Variants in TXNDC9 observed in about 807,000 individuals in gnomAD.
TXNDC9 encodes the protein thioredoxin domain containing 9.
TXNDC9 carries 7 observed loss-of-function variants against 23.0 expected under a neutral mutation model. The ratio of observed to expected loss-of-function variants is 0.30; its 90% CI spans 0.17 to 0.57. The LOEUF (loss-of-function observed/expected upper bound fraction) is 0.57, where lower values mean the gene tolerates loss of function less well. TXNDC9 is among the 20% of genes least tolerant of loss of function. The probability of loss-of-function intolerance (pLI) is 0.90; values close to 1 mark genes in which losing one functional copy is unlikely to be tolerated. For missense variants in TXNDC9, 198 were observed against 252.6 expected, an observed-to-expected ratio of 0.78 and a Z score of 1.47; for synonymous variants, 72 against 90.6, an observed-to-expected ratio of 0.79 and a Z score of 1.17.
chr2:99,308,497 C>T, the TXNDC9 span, among the ~76,000 whole-genome samples: 15 of 152,166 alleles, frequency 9.9e-5, no homozygotes, highest in African/African-American at 3.1e-4. Flanking sequence ...TGTGACTACA[C>T]TGCTATTACT....
intron 2 of TXNDC9, among the ~76,000 whole-genome samples, chr2:99,332,297 G>A (rs926570057): frequency 6.6e-6 from 1 of 152,124 alleles, no homozygotes; most frequent in African/African-American, 2.4e-5. Context: ...ACAAAACTTA[G>A]CCAGGCATGG....
chr2:99,308,046 T>C, the TXNDC9 span, among the ~76,000 whole-genome samples: 3 of 152,304 alleles, frequency 2.0e-5, no homozygotes, highest in African/African-American at 4.8e-5. Flanking sequence ...CTAGAGTCCA[T>C]AGACGGAACA....
chr2:99,317,933 C>G (rs1289419262), downstream of TXNDC9, among the ~76,000 whole-genome samples: 2 of 152,236 alleles, frequency 1.3e-5, no homozygotes, highest in Non-Finnish European at 2.9e-5. Context: ...CTCCGTCACC[C>G]AGGCTGGGGT....
At chr2:99,321,711 A>G in intron 4 of TXNDC9, 2 of 425,558 alleles carry the variant, frequency 4.7e-6, no homozygotes, top group Non-Finnish European at 8.3e-6. Context: ...AAACTTTTAT[A>G]GTCAGGAGTA....
intron 1 of TXNDC9, among the ~76,000 whole-genome samples, chr2:99,335,436 C>T (rs961187926): frequency 1.3e-5 from 2 of 152,162 alleles, no homozygotes; most frequent in Admixed American, 1.3e-4. Context: ...TGAACACGTG[C>T]CTGACTTCTG....
intron 2 of TXNDC9, among the ~76,000 whole-genome samples, chr2:99,330,290 C>CAAAAAATAAAAAAAAAAAAAAAAA (rs2094221735): frequency 3.6e-5 from 1 of 28,160 alleles, no homozygotes; most frequent in Admixed American, 6.3e-4. Context: ...ACTCTTATCT[C>CAAAAAATAAAAAAAAAAAAAAAAA]AAAAAAAAAA....
rs771529629 is a variant in TXNDC9, at chr2:99,319,803, A to T, written c.564-4T>A. 1.9e-5 allele frequency: 5 copies of T among 259,194 alleles called. No homozygotes were observed. Among genetic ancestry groups the T allele is most frequent in the Admixed American group, 1.3e-4 (2 of 15,124 alleles). 16.1% of individuals were successfully genotyped at this position (259,194 alleles called of 1,614,324 possible). ...TGGTGGCTCCATTAAATTTCCACTT[A>T]AAAAAAAAAAAAAGCATTTTATTCT... is the stretch of plus-strand genomic sequence containing the variant. On this transcript the variant is annotated splice_polypyrimidine_tract_variant and splice_region_variant and intron_variant, in intron 4 of 4. Transcript: ENST00000264255.
intron 1 of TXNDC9, among the ~76,000 whole-genome samples, chr2:99,334,308 C>T (rs1461743743): frequency 2.0e-5 from 3 of 152,264 alleles, no homozygotes; most frequent in East Asian, 1.9e-4. Context: ...GGGCTGAGAA[C>T]GCACCACTTG....
chr2:99,309,301 C>T, the TXNDC9 span, among the ~76,000 whole-genome samples: 1 of 151,504 alleles, frequency 6.6e-6, no homozygotes, highest in African/African-American at 2.4e-5. Flanking sequence ...TGAGCTCAGG[C>T]AGGTCGAGGG....
intron 1 of TXNDC9, 22 bp from the exon 2 acceptor site, chr2:99,333,264 T>C: frequency 3.3e-6 from 5 of 1,533,858 alleles, no homozygotes; most frequent in Non-Finnish European, 4.4e-6. Flanking sequence ...ATTTACAAAA[T>C]ACATTTTAAA....
At chr2:99,332,971 G>T in intron 2 of TXNDC9, 51 bp downstream of exon 2, 1 of 1,432,418 alleles carries the variant, frequency 7.0e-7, no homozygotes, top group Non-Finnish European at 9.8e-7. Flanking sequence ...TATATAAGTT[G>T]TTAGGCGCAT....
intron 1 of TXNDC9, among the ~76,000 whole-genome samples, chr2:99,334,453 T>C (rs2094233781): frequency 6.6e-6 from 1 of 152,216 alleles, no homozygotes; most frequent in Non-Finnish European, 1.5e-5. Context: ...ATAGACTATT[T>C]ACACAAACCC....
chr2:99,320,261 G>A (rs1048426473), intron 4 of TXNDC9, among the ~76,000 whole-genome samples: 1 of 152,148 alleles, frequency 6.6e-6, no homozygotes, highest in African/African-American at 2.4e-5. Context: ...TCCTGCTTTG[G>A]CATCCCAAAG....
At chr2:99,313,277 C>A in the TXNDC9 span, among the ~76,000 whole-genome samples, 2 of 152,082 alleles carry the variant, frequency 1.3e-5, no homozygotes, top group Non-Finnish European at 2.9e-5. Context: ...GCTTTGTTGG[C>A]CAGGTTGGTC....
At chr2:99,330,831 G>T (rs1344560724) in intron 2 of TXNDC9, among the ~76,000 whole-genome samples, 6 of 152,100 alleles carry the variant, frequency 3.9e-5, no homozygotes, top group African/African-American at 1.2e-4. Context: ...CTTATAAAAA[G>T]AATATCTATA....
chr2:99,329,003 A>AATGCTT (rs1477593088), intron 2 of TXNDC9, among the ~76,000 whole-genome samples: 1 of 152,116 alleles, frequency 6.6e-6, no homozygotes, highest in Non-Finnish European at 1.5e-5. Flanking sequence ...AAATAAAAAT[A>AATGCTT]ATGCTTATGA....
chr2:99,317,867 T>C (rs2094192766), downstream of TXNDC9, among the ~76,000 whole-genome samples: 1 of 152,106 alleles, frequency 6.6e-6, no homozygotes, highest in Non-Finnish European at 1.5e-5. Context: ...CTTTGAGGCT[T>C]GTCTTAAACC....
rs572315444 is a variant in TXNDC9, at chr2:99,335,793, G to A, written c.-33+446C>T. Reference sequence around the variant, plus strand: ...AGCTATTCTGGGTGTAGGTGTTGGTGGTCAGAGCATTGAGAATGGGGTAAA... The same window carrying A: ...AGCTATTCTGGGTGTAGGTGTTGGTAGTCAGAGCATTGAGAATGGGGTAAA... On this transcript the variant is annotated intron_variant, in intron 1 of 4. Transcript: ENST00000264255. 2.0e-5 allele frequency among the ~76,000 whole-genome samples: 3 copies of A among 152,284 alleles called. No individual in the cohort carries two copies. The South Asian group carries it at 6.2e-4, about 32-fold the overall frequency.
intron 1 of TXNDC9, among the ~76,000 whole-genome samples, chr2:99,334,783 C>G (rs1007339687): frequency 1.5e-4 from 23 of 152,186 alleles, no homozygotes; most frequent in Admixed American, 1.3e-4. Flanking sequence ...CGCATCTCCG[C>G]TCACTGCTAG....
Sources: allele counts gnomAD v4.1 joint callset (sites outside exome capture counted in the v4.1 genomes callset), GRCh38; gene constraint gnomAD v4.1.1; transcripts MANE v1.5; gene names NCBI Gene and HGNC (gene_info 2026-07-23, HGNC 2026-07-21).